The following AP3B1 variants were observed in gnomAD, a reference collection of about 807,000 sequenced individuals.
AP3B1 encodes adaptor related protein complex 3 subunit beta 1.
AP3B1 carries 61 observed loss-of-function variants against 132.5 expected under a neutral mutation model. The observed-to-expected ratio is 0.46, with a 90% CI of 0.37 to 0.57. The LOEUF (loss-of-function observed/expected upper bound fraction) is 0.57, where lower values mean the gene tolerates loss of function less well. Among genes scored for constraint, AP3B1 ranks in the 20% least tolerant of loss-of-function variants. The pLI is 0.00. For synonymous variants in AP3B1, 388 were observed against 438.3 expected, an observed-to-expected ratio of 0.89 and a Z score of 1.43; for missense variants, 1,120 against 1,289.4, an observed-to-expected ratio of 0.87 and a Z score of 2.01.
chr5:78,162,989 T>C (rs762629097), intron 12 of AP3B1, 38 bp from the exon 13 acceptor site: 13 of 1,596,892 alleles, frequency 8.1e-6, no homozygotes, highest in East Asian at 6.7e-5. Context: ...CACACTGGTA[T>C]TATTGAGTTA....
rs1256833604 is a variant in AP3B1 at position 78,228,154 on chromosome 5, C to T, written c.365G>A (p.Arg122Gln). The T allele has an allele frequency of 6.2e-7, 1 of 1,603,836 alleles. No homozygotes were observed. ...CACTCCATTATTTACCTTCAGAGCTCGCTGAAAAGTGCTTATGGACAGGAG... is the reference window on the plus strand; with the variant it reads ...CACTCCATTATTTACCTTCAGAGCTTGCTGAAAAGTGCTTATGGACAGGAG... ...LALLSISTFQ[R>Q]ALKDPNQLIR... Residue 122 changes from arginine (R) to glutamine (Q), a missense_variant, in exon 4 of 27, where the codon CGA becomes CAA. Physicochemically the swap from Arg to Gln is conservative, Grantham distance 43. This residue lies in a region of AP3B1 where 129 missense variants were observed against 212.4 expected (regional missense o/e 0.61). Coordinates refer to ENST00000255194, the MANE Select transcript of AP3B1 (RefSeq NM_003664.5).
intron 11 of AP3B1, among the ~76,000 whole-genome samples, chr5:78,168,029 CA>C (rs1281110094): frequency 3.0e-5 from 4 of 134,354 alleles, no homozygotes; most frequent in African/African-American, 5.7e-5. Context: ...AAAAAAAAAA[CA>C]AAAAAAATAA....
chr5:78,107,078 CAATT>C (rs1360956619), intron 20 of AP3B1, among the ~76,000 whole-genome samples: 1 of 152,114 alleles, frequency 6.6e-6, no homozygotes, highest in African/African-American at 2.4e-5. Flanking sequence ...TCATTCACAT[CAATT>C]AATATCTCAA....
At position 78,175,638 on chromosome 5, in the gene AP3B1, G is replaced by T; in HGVS notation, c.1155C>A (p.Ile385=). ...FYVRSTDPTM[I]KTLKLEILTN... ...AAAGCATACATACCTTCAGTGTCTT[G>T]ATCATAGTTGGATCAGTTGACCTAA... The change falls in exon 11 of 27, where the codon ATC becomes ATA. Residue 385 remains isoleucine, a synonymous_variant. Coordinates refer to ENST00000255194, the MANE Select transcript of AP3B1 (RefSeq NM_003664.5). 3 of 1,612,726 alleles carry T rather than the reference G, an allele frequency of 1.9e-6. No homozygotes were observed. The highest frequency in any genetic ancestry group is 2.2e-5 in the South Asian group (2 of 91,000).
chr5:78,011,490 A>G (rs576880089), intron 26 of AP3B1, among the ~76,000 whole-genome samples: 28 of 152,344 alleles, frequency 1.8e-4, no homozygotes, highest in African/African-American at 6.7e-4. Flanking sequence ...TTACAACTAA[A>G]AATCATATAA....
At chr5:78,106,610 A>C (rs1751350183) in intron 20 of AP3B1, among the ~76,000 whole-genome samples, 1 of 152,290 alleles carries the variant, frequency 6.6e-6, no homozygotes, top group Admixed American at 6.5e-5. Context: ...GTTGTATAGA[A>C]GGACTTGGGG....
At chr5:78,110,688 G>C (rs934332753) in intron 19 of AP3B1, among the ~76,000 whole-genome samples, 7 of 142,608 alleles carry the variant, frequency 4.9e-5, no homozygotes, top group African/African-American at 1.5e-4. Flanking sequence ...CTGTGCCTGT[G>C]TGTGTGTGTG....
At chr5:78,096,838 G>C (rs1259468167) in intron 21 of AP3B1, among the ~76,000 whole-genome samples, 17 of 150,712 alleles carry the variant, frequency 1.1e-4, no homozygotes, top group Admixed American at 2.6e-4. Flanking sequence ...CGGGAGGGAG[G>C]GGGGGCTCAG....
In AP3B1 at chr5:78,116,185, T is replaced by C. The variant is rs763619135; in HGVS notation, c.2018A>G (p.Lys673Arg). Reference sequence around the variant, plus strand: ...TTCCTCAGATTCAGAATAAAACTTCTTAGCAGAATTCTCTTGCTTTGCTTT... The same window carrying C: ...TTCCTCAGATTCAGAATAAAACTTCCTAGCAGAATTCTCTTGCTTTGCTTT... The part of the protein sequence containing the change: ...AGKAKQENSA[K>R]KFYSESEEEE... Residue 673 changes from lysine to arginine, a missense_variant, in exon 18 of 27, where the codon AAG becomes AGG. Transcript: ENST00000255194. The C allele has an allele frequency of 2.5e-5, 40 of 1,613,774 alleles. No individual in the cohort carries two copies. The Admixed American group carries it at 6.2e-4, about 25-fold the overall frequency.
At chr5:78,227,593 T>G in intron 4 of AP3B1, 61 bp from the exon 5 acceptor site, 1 of 1,550,060 alleles carries the variant, frequency 6.5e-7, no homozygotes, top group African/African-American at 1.4e-5. Context: ...AAACATATCT[T>G]TCAGACACAG....
At chr5:78,244,832 T>C (rs1747305706) in intron 2 of AP3B1, among the ~76,000 whole-genome samples, 1 of 151,934 alleles carries the variant, frequency 6.6e-6, no homozygotes, top group Non-Finnish European at 1.5e-5. Context: ...CTGTCTCTAC[T>C]AAAAATACAA....
intron 22 of AP3B1, among the ~76,000 whole-genome samples, chr5:78,086,233 G>T (rs146141869): frequency 6.6e-6 from 1 of 152,168 alleles, no homozygotes; most frequent in East Asian, 1.9e-4. Context: ...TCTATGTACA[G>T]CCTTAATAGT....
At chr5:78,159,660 T>A (rs988962998) in intron 13 of AP3B1, among the ~76,000 whole-genome samples, 5 of 152,212 alleles carry the variant, frequency 3.3e-5, no homozygotes, top group African/African-American at 1.2e-4. Flanking sequence ...TCCCCATCTA[T>A]AGAAACTTGA....
chr5:78,181,762 T>C (rs1580453883), intron 7 of AP3B1, 100 bp from the exon 8 acceptor site: 8 of 1,007,428 alleles, frequency 7.9e-6, no homozygotes, highest in East Asian at 7.3e-5. Flanking sequence ...TATAACAACA[T>C]TTTACCGTAG....
rs1159162450 is a variant in AP3B1 at position 78,153,037 on chromosome 5, A to G, written c.1473+3221T>C. Among the ~76,000 whole-genome samples, 3 of 152,296 alleles carry G rather than the reference A, an allele frequency of 2.0e-5. No homozygotes were observed. The East Asian group carries it at 5.8e-4, about 29-fold the overall frequency. ...AGCTCTTGGATGACATTTTCTGTATATATCTATTAGATCCATTTGGTGCAT... is the reference window on the plus strand; with the variant it reads ...AGCTCTTGGATGACATTTTCTGTATGTATCTATTAGATCCATTTGGTGCAT... On this transcript the variant is annotated intron_variant, in intron 14 of 26. Coordinates refer to ENST00000255194, the MANE Select transcript of AP3B1 (RefSeq NM_003664.5).
intron 22 of AP3B1, among the ~76,000 whole-genome samples, chr5:78,045,457 C>G (rs1483632881): frequency 6.7e-6 from 1 of 149,630 alleles, no homozygotes; most frequent in Non-Finnish European, 1.5e-5. Flanking sequence ...TAAGTTTATA[C>G]AAGTCATATT....
chr5:78,226,081 T>G (rs901044814), intron 5 of AP3B1, among the ~76,000 whole-genome samples: 13 of 151,920 alleles, frequency 8.6e-5, no homozygotes, highest in Non-Finnish European at 1.0e-4. Context: ...CAACTAAAAC[T>G]AGGAAAAATA....
At chr5:78,079,012 A>G (rs1201304879) in intron 22 of AP3B1, among the ~76,000 whole-genome samples, 1 of 152,230 alleles carries the variant, frequency 6.6e-6, no homozygotes, top group African/African-American at 2.4e-5. Context: ...TTTATTGACT[A>G]TATTCATGAA....
chr5:78,210,518 A>C (rs1461891260), intron 7 of AP3B1, among the ~76,000 whole-genome samples: 1 of 152,172 alleles, frequency 6.6e-6, no homozygotes, highest in Non-Finnish European at 1.5e-5. Context: ...AGAGAGACAA[A>C]ATTAATTACT....
Sources: gnomAD v4.1 joint callset for allele counts (sites outside exome capture counted in the v4.1 genomes callset) on GRCh38, gnomAD v4.1.1 for gene constraint, gnomAD v4.1.1 regional missense constraint, MANE v1.5 for transcripts, NCBI Gene and HGNC (gene_info 2026-07-23, HGNC 2026-07-21) for gene names.